Variants in GFPT1 observed in about 807,000 individuals in gnomAD.
GFPT1 encodes the protein glutamine--fructose-6-phosphate aminotransferase [isomerizing] 1.
Under a neutral mutation model 92.0 loss-of-function variants are expected in GFPT1, and 40 were observed. That is an observed-to-expected ratio of 0.43 (90% CI 0.34 to 0.57). The LOEUF is 0.57. Among genes scored for constraint, GFPT1 ranks in the 20% least tolerant of loss-of-function variants. The probability of loss-of-function intolerance (pLI) is 0.02; values close to 1 mark genes in which losing one functional copy is unlikely to be tolerated. For synonymous variants in GFPT1, 269 were observed against 280.6 expected (o/e 0.96, Z 0.41); for missense variants, 448 against 869.1 (o/e 0.52, Z 6.09).
chr2:69,361,893 T>A (rs1288557060), intron 4 of GFPT1, among the ~76,000 whole-genome samples: 7 of 152,076 alleles, frequency 4.6e-5, no homozygotes, highest in African/African-American at 9.7e-5. Context: ...GGCAGGAAGA[T>A]CACTTGTGCC....
intron 1 of GFPT1, among the ~76,000 whole-genome samples, chr2:69,383,445 T>C (rs979392531): frequency 6.6e-6 from 1 of 152,216 alleles, no homozygotes; most frequent in Non-Finnish European, 1.5e-5. Context: ...ACTGGTTTTA[T>C]GACCAATCCT....
chr2:69,387,024 G>GC, intron 1 of GFPT1, 41 bp downstream of exon 1: 1 of 1,463,458 alleles, frequency 6.8e-7, no homozygotes, highest in East Asian at 2.5e-5. Flanking sequence ...CCGCACCCCA[G>GC]CGCCACCCGG....
intron 6 of GFPT1, among the ~76,000 whole-genome samples, chr2:69,357,741 G>A (rs926130426): frequency 7.2e-5 from 11 of 152,274 alleles, no homozygotes; most frequent in Non-Finnish European, 1.6e-4. Flanking sequence ...GTAGATCTTT[G>A]ATGTCTTTAA....
intron 2 of GFPT1, among the ~76,000 whole-genome samples, chr2:69,372,942 T>C (rs986612613): frequency 1.3e-5 from 2 of 152,250 alleles, no homozygotes; most frequent in South Asian, 4.1e-4. Context: ...AGTGTCTCAC[T>C]ACACAAACTG....
In GFPT1 at chr2:69,320,652, G is replaced by A. The variant is rs1670381620; in HGVS notation, c.*5537C>T. ...AAAACACAAAAATTAGCTAGGCATGGTGGCACGTGCCTGTAATCCCAGCTA... is the reference window on the plus strand; with the variant it reads ...AAAACACAAAAATTAGCTAGGCATGATGGCACGTGCCTGTAATCCCAGCTA... On this transcript the variant is annotated 3_prime_UTR_variant, in exon 20 of 20. Coordinates refer to ENST00000357308, the MANE Select transcript of GFPT1 (RefSeq NM_001244710.2). 1 of 152,288 alleles carries A rather than the reference G, an allele frequency of 6.6e-6. No homozygotes were observed. The allele number at this position is 152,288 out of a possible 1,614,324, so 9.4% of individuals were successfully genotyped here.
chr2:69,339,122 A>G (rs1670873971), intron 13 of GFPT1, among the ~76,000 whole-genome samples: 1 of 152,128 alleles, frequency 6.6e-6, no homozygotes, highest in Non-Finnish European at 1.5e-5. Context: ...ACACATATAA[A>G]ACGTTTTGAG....
At chr2:69,360,916 A>G (rs973605527) in intron 4 of GFPT1, among the ~76,000 whole-genome samples, 5 of 151,796 alleles carry the variant, frequency 3.3e-5, no homozygotes, top group African/African-American at 1.2e-4. Context: ...TGTATTTTTA[A>G]TAGAGACGGG....
chr2:69,336,415 T>A (rs13394686), intron 15 of GFPT1, among the ~76,000 whole-genome samples: 5 of 150,018 alleles, frequency 3.3e-5, no homozygotes, highest in Non-Finnish European at 7.4e-5. Flanking sequence ...CTACAAAAAA[T>A]TCTCTATGAG....
chr2:69,348,768 C>T (rs932296058), intron 10 of GFPT1, among the ~76,000 whole-genome samples: 2 of 152,156 alleles, frequency 1.3e-5, no homozygotes, highest in South Asian at 2.1e-4. Context: ...CCATTTCTGC[C>T]AAAATTGATA....
At chr2:69,333,871 C>G (rs1558733549) in intron 15 of GFPT1, among the ~76,000 whole-genome samples, 1 of 152,276 alleles carries the variant, frequency 6.6e-6, no homozygotes, top group South Asian at 2.1e-4. Context: ...CAATAATCAA[C>G]TTTTGGCTGG....
intron 1 of GFPT1, among the ~76,000 whole-genome samples, chr2:69,383,451 A>G (rs1487735005): frequency 6.6e-6 from 1 of 152,164 alleles, no homozygotes; most frequent in East Asian, 1.9e-4. Context: ...TTTATGACCA[A>G]TCCTAGCAGC....
At chr2:69,374,382 C>T (rs1380043835) in intron 1 of GFPT1, among the ~76,000 whole-genome samples, 2 of 150,972 alleles carry the variant, frequency 1.3e-5, no homozygotes, top group Non-Finnish European at 2.9e-5. Flanking sequence ...AGCACGATCT[C>T]GGCTCACGGC....
chr2:69,360,168 A>G (rs907956496), intron 4 of GFPT1, among the ~76,000 whole-genome samples: 2 of 151,998 alleles, frequency 1.3e-5, no homozygotes, highest in Admixed American at 1.3e-4. Context: ...TCTCTACTAA[A>G]AATACAAAAC....
At chr2:69,361,655 G>A (rs1379287480) in intron 4 of GFPT1, among the ~76,000 whole-genome samples, 1 of 152,052 alleles carries the variant, frequency 6.6e-6, no homozygotes, top group Non-Finnish European at 1.5e-5. Context: ...AGCACAAGAA[G>A]CCTAAATAGG....
intron 15 of GFPT1, among the ~76,000 whole-genome samples, chr2:69,330,021 C>T (rs1312789061): frequency 6.6e-6 from 1 of 152,062 alleles, no homozygotes; most frequent in Non-Finnish European, 1.5e-5. Flanking sequence ...AGTTCGAGAC[C>T]AGCCTGGGCA....
chr2:69,378,852 A>G (rs1671941004), intron 1 of GFPT1, among the ~76,000 whole-genome samples: 1 of 152,176 alleles, frequency 6.6e-6, no homozygotes, highest in Non-Finnish European at 1.5e-5. Context: ...CATTCTCTAA[A>G]CTTAAAACTT....
At chr2:69,336,796 T>C (rs1670811152) in intron 15 of GFPT1, among the ~76,000 whole-genome samples, 1 of 152,004 alleles carries the variant, frequency 6.6e-6, no homozygotes, top group Non-Finnish European at 1.5e-5. Flanking sequence ...ACCCTGTCTC[T>C]AAATAACAAC....
At chr2:69,362,789 T>C (rs889617414) in intron 4 of GFPT1, among the ~76,000 whole-genome samples, 3 of 151,932 alleles carry the variant, frequency 2.0e-5, no homozygotes, top group Non-Finnish European at 4.4e-5. Context: ...ACAGCGAGAC[T>C]TGGTCTCAAA....
rs1670475672 is a variant in GFPT1, at chr2:69,324,036, C to T, written c.*2153G>A. The T allele has an allele frequency of 6.6e-6, 1 of 152,190 alleles. No individual in the cohort carries two copies. Among genetic ancestry groups the T allele is most frequent in the Non-Finnish European group, 1.5e-5 (1 of 68,076 alleles). The allele number at this position is 152,190 out of a possible 1,614,324, so 9.4% of individuals were successfully genotyped here. ...CCCAGGCTGTTCTCCAACTCTTGAG[C>T]TCAAGCAATACTCCCACCTCAGACT... On this transcript the variant is annotated 3_prime_UTR_variant, in exon 20 of 20. Transcript: ENST00000357308.
Sources: gnomAD v4.1 joint callset for allele counts (sites outside exome capture counted in the v4.1 genomes callset) on GRCh38, gnomAD v4.1.1 for gene constraint, MANE v1.5 for transcripts, NCBI Gene and HGNC (gene_info 2026-07-23, HGNC 2026-07-21) for gene names.